The following FBXL17 variants were observed in gnomAD, a reference collection of about 807,000 sequenced individuals.
FBXL17 encodes F-box/LRR-repeat protein 17.
A neutral mutation model predicts 66.2 loss-of-function variants in FBXL17; 22 were observed. The ratio of observed to expected loss-of-function variants is 0.33; its 90% CI spans 0.24 to 0.47. FBXL17 has a LOEUF of 0.47. FBXL17 is among the 20% of genes least tolerant of loss of function. The pLI, the probability that FBXL17 is intolerant of heterozygous loss-of-function variation, is 1.00. For missense variants in FBXL17, 878 were observed against 948.2 expected (o/e 0.93, Z 0.97); for synonymous variants, 474 against 400.5 (o/e 1.18, Z -2.19).
intron 5 of FBXL17, among the ~76,000 whole-genome samples, chr5:108,220,381 T>C (rs982370991): frequency 2.0e-5 from 3 of 152,194 alleles, no homozygotes; most frequent in Non-Finnish European, 4.4e-5. Flanking sequence ...ACTCTTTCAA[T>C]GCACTAAACT....
At chr5:108,260,257 G>A (rs1315689871) in intron 4 of FBXL17, among the ~76,000 whole-genome samples, 1 of 152,044 alleles carries the variant, frequency 6.6e-6, no homozygotes, top group Non-Finnish European at 1.5e-5. Context: ...GTGAAGTGAA[G>A]GTGAAAACCA....
chr5:108,300,911 T>C (rs1288334099), intron 4 of FBXL17, among the ~76,000 whole-genome samples: 1 of 151,644 alleles, frequency 6.6e-6, no homozygotes, highest in African/African-American at 2.4e-5. Flanking sequence ...TTAAAGAATA[T>C]GTCTGTATAT....
chr5:108,016,739 C>T (rs949877602), intron 7 of FBXL17, among the ~76,000 whole-genome samples: 8 of 151,934 alleles, frequency 5.3e-5, no homozygotes, highest in African/African-American at 1.9e-4. Context: ...CAAGGACACA[C>T]TTTCCTGAAG....
chr5:108,199,440 T>C (rs1181755444), intron 5 of FBXL17, among the ~76,000 whole-genome samples: 2 of 152,220 alleles, frequency 1.3e-5, no homozygotes, highest in Non-Finnish European at 2.9e-5. Flanking sequence ...ACTCTGTTGT[T>C]GCTAGAAGCA....
At chr5:108,191,434 T>A (rs951392742) in intron 5 of FBXL17, among the ~76,000 whole-genome samples, 3 of 152,162 alleles carry the variant, frequency 2.0e-5, no homozygotes, top group Non-Finnish European at 2.9e-5. Flanking sequence ...TTTACCACAA[T>A]AAAAATATCA....
At chr5:108,287,291 A>G (rs1041750497) in intron 4 of FBXL17, among the ~76,000 whole-genome samples, 6 of 151,910 alleles carry the variant, frequency 3.9e-5, no homozygotes, top group African/African-American at 7.2e-5. Context: ...AAGAGCTTCT[A>G]AACACAGCAA....
intron 4 of FBXL17, among the ~76,000 whole-genome samples, chr5:108,274,018 T>C (rs1265772402): frequency 6.6e-6 from 1 of 152,030 alleles, no homozygotes; most frequent in Non-Finnish European, 1.5e-5. Context: ...ATTCAGGAAA[T>C]GTGAGAAAAC....
intron 4 of FBXL17, among the ~76,000 whole-genome samples, chr5:108,308,313 A>T (rs1758951784): frequency 6.6e-6 from 1 of 152,108 alleles, no homozygotes; most frequent in Non-Finnish European, 1.5e-5. Flanking sequence ...TAGGCATTAT[A>T]AAAAGCATAT....
At chr5:108,333,413 A>C (rs1202501565) in intron 4 of FBXL17, among the ~76,000 whole-genome samples, 1 of 152,122 alleles carries the variant, frequency 6.6e-6, no homozygotes, top group East Asian at 1.9e-4. Context: ...TAAAATGCTA[A>C]AGTGCTAAGA....
intron 6 of FBXL17, among the ~76,000 whole-genome samples, chr5:108,096,525 A>T (rs1749373387): frequency 6.6e-6 from 1 of 152,218 alleles, no homozygotes; most frequent in Non-Finnish European, 1.5e-5. Flanking sequence ...GGAAAGTGTA[A>T]TGGGACACAG....
intron 7 of FBXL17, among the ~76,000 whole-genome samples, chr5:107,960,219 T>A (rs1351204891): frequency 6.6e-6 from 1 of 152,184 alleles, no homozygotes. Context: ...TAGTTACTCA[T>A]TCATCTACTC....
chr5:108,270,535 T>TAA (rs1045536898), intron 4 of FBXL17, among the ~76,000 whole-genome samples: 2 of 139,522 alleles, frequency 1.4e-5, no homozygotes, highest in Non-Finnish European at 3.1e-5. Flanking sequence ...CTTAGGTTAA[T>TAA]AAAAAAAAAA....
At chr5:107,916,770 C>G (rs1328550384) in intron 7 of FBXL17, among the ~76,000 whole-genome samples, 3 of 152,132 alleles carry the variant, frequency 2.0e-5, no homozygotes, top group African/African-American at 4.8e-5. Context: ...TTCCCTTTAT[C>G]TTGTTCATCT....
At chr5:108,017,890 C>T (rs1754445652) in intron 7 of FBXL17, among the ~76,000 whole-genome samples, 1 of 152,040 alleles carries the variant, frequency 6.6e-6, no homozygotes, top group African/African-American at 2.4e-5. Context: ...TTTATGACAA[C>T]TATATCATAT....
At chr5:107,866,516 C>T (rs983011516) in intron 8 of FBXL17, among the ~76,000 whole-genome samples, 6 of 152,086 alleles carry the variant, frequency 3.9e-5, no homozygotes, top group Admixed American at 6.6e-5. Context: ...CCGCTCTTAA[C>T]GGAAGGGTGA....
intron 7 of FBXL17, among the ~76,000 whole-genome samples, chr5:107,900,353 T>C (rs530418162): frequency 5.9e-5 from 9 of 152,298 alleles, no homozygotes; most frequent in Admixed American, 1.3e-4. Context: ...TCAAGAGAGA[T>C]GTCTTCAAGA....
chr5:107,860,321 T>A lies in FBXL17; in HGVS notation c.*1399A>T, dbSNP rs575139648. The A allele has an allele frequency of 6.0e-4, 91 of 152,724 alleles. 1 individual carries two copies. The highest frequency in any genetic ancestry group is 2.0e-3 in the African/African-American group (85 of 41,570). 9.5% of individuals were successfully genotyped at this position (152,724 alleles called of 1,614,324 possible). ...TAAATAGCAACTTCACAAGTTAGGG[T>A]TTTGTTTCTAGTTCTACTGTGAAAG... On this transcript the variant is annotated 3_prime_UTR_variant, in exon 9 of 9. Transcript: ENST00000542267.
intron 7 of FBXL17, among the ~76,000 whole-genome samples, chr5:107,936,554 A>ATTCTTTTGTCCTTACTT (rs58144302): frequency 6.6e-6 from 1 of 152,036 alleles, no homozygotes; most frequent in African/African-American, 2.4e-5. Context: ...TTTAACAACT[A>ATTCTTTTGTCCTTACTT]TTCTTGAATT....
chr5:108,204,043 T>A (rs1244912982), intron 5 of FBXL17, among the ~76,000 whole-genome samples: 1 of 152,110 alleles, frequency 6.6e-6, no homozygotes, highest in African/African-American at 2.4e-5. Context: ...CCTAAGGAAC[T>A]CTGTTTTTAA....
Sources: gnomAD v4.1 joint callset for allele counts (sites outside exome capture counted in the v4.1 genomes callset) on GRCh38, gnomAD v4.1.1 for gene constraint, MANE v1.5 for transcripts, NCBI Gene and HGNC (gene_info 2026-07-23, HGNC 2026-07-21) for gene names.